Variants in LAMB4 observed in about 807,000 individuals in gnomAD.
LAMB4 encodes laminin subunit beta 4.
Under a neutral mutation model 199.2 loss-of-function variants are expected in LAMB4, and 196 were observed. That is an observed-to-expected ratio of 0.98 (90% CI 0.88 to 1.11). The LOEUF (loss-of-function observed/expected upper bound fraction) is 1.11. Among genes scored for constraint, LAMB4 ranks in the 50% least tolerant of loss-of-function variants. The pLI is 0.00. For missense variants in LAMB4, 2,080 were observed against 2,171.2 expected (o/e 0.96, Z 0.83); for synonymous variants, 744 against 770.6 (o/e 0.97, Z 0.57).
intron 33 of LAMB4, 81 bp from the exon 34 acceptor site, chr7:108,024,259 G>T: frequency 1.5e-6 from 1 of 681,906 alleles, no homozygotes; most frequent in Non-Finnish European, 2.2e-6. Flanking sequence ...CAAACACAGG[G>T]ATTTATGCGC....
chr7:108,066,005 T>C (rs2036325598), intron 20 of LAMB4, 86 bp from the exon 21 acceptor site: 2 of 1,293,720 alleles, frequency 1.5e-6, no homozygotes, highest in African/African-American at 3.0e-5. Flanking sequence ...TTTAAAACAG[T>C]GCACCTCTGA....
intron 1 of LAMB4, among the ~76,000 whole-genome samples, chr7:108,126,008 C>G (rs1034459646): frequency 6.6e-6 from 1 of 152,142 alleles, no homozygotes; most frequent in Admixed American, 6.5e-5. Context: ...GAGTCAGAAA[C>G]AGATCCCAAA....
intron 25 of LAMB4, among the ~76,000 whole-genome samples, chr7:108,054,864 A>T (rs2035930329): frequency 1.3e-5 from 2 of 152,192 alleles, no homozygotes; most frequent in Admixed American, 6.5e-5. Flanking sequence ...GTTAAATTTT[A>T]AAAAAAGATT....
At chr7:108,045,388 T>C (rs2035583690) in intron 28 of LAMB4, among the ~76,000 whole-genome samples, 1 of 152,206 alleles carries the variant, frequency 6.6e-6, no homozygotes, top group Non-Finnish European at 1.5e-5. Context: ...CTGAGAATTC[T>C]CTCACAATCT....
At chr7:108,050,227 A>G (rs1408465771) in intron 26 of LAMB4, among the ~76,000 whole-genome samples, 2 of 152,202 alleles carry the variant, frequency 1.3e-5, no homozygotes, top group African/African-American at 4.8e-5. Context: ...GGCTGCTAAC[A>G]ATAGCTAACA....
intron 13 of LAMB4, 21 bp from the exon 14 acceptor site, chr7:108,091,797 C>A: frequency 1.9e-6 from 3 of 1,610,630 alleles, no homozygotes; most frequent in Non-Finnish European, 2.5e-6. Context: ...AGCAATTCAT[C>A]ATGAAAAAAT....
chr7:108,101,590 G>A (rs568666614), intron 10 of LAMB4, among the ~76,000 whole-genome samples: 2 of 152,200 alleles, frequency 1.3e-5, no homozygotes, highest in East Asian at 1.9e-4. Flanking sequence ...CTTGTTCGTC[G>A]GCAAGTAAAG....
chr7:108,026,743 A>G, intron 33 of LAMB4: 1 of 314,014 alleles, frequency 3.2e-6, no homozygotes, highest in South Asian at 2.7e-5. Flanking sequence ...TCCATTCCCC[A>G]CTCTCTCAAC....
chr7:108,090,163 AC>A (rs1316356991), intron 14 of LAMB4, among the ~76,000 whole-genome samples: 9 of 152,242 alleles, frequency 5.9e-5, no homozygotes, highest in Admixed American at 5.9e-4. Context: ...CACATTAAAT[AC>A]ATGGAATATT....
At chr7:108,105,267 A>C (rs1433185201) in intron 8 of LAMB4, among the ~76,000 whole-genome samples, 1 of 152,226 alleles carries the variant, frequency 6.6e-6, no homozygotes, top group Non-Finnish European at 1.5e-5. Context: ...GAGATCTGCC[A>C]TATTAAGACA....
At chr7:108,062,711 T>C (rs2036205163) in intron 23 of LAMB4, 63 bp downstream of exon 23, 4 of 976,474 alleles carry the variant, frequency 4.1e-6, no homozygotes, top group Non-Finnish European at 4.2e-6. Context: ...TTTACACATT[T>C]AGAAACCATG....
chr7:108,110,282 G>A (rs1474260009), intron 4 of LAMB4, among the ~76,000 whole-genome samples: 1 of 152,164 alleles, frequency 6.6e-6, no homozygotes, highest in Admixed American at 6.5e-5. Flanking sequence ...GCCTATCTTG[G>A]CCTCCCAAAG....
At chr7:108,111,727 G>T in intron 4 of LAMB4, 84 bp downstream of exon 4, 1 of 1,213,032 alleles carries the variant, frequency 8.2e-7, no homozygotes, top group Non-Finnish European at 1.2e-6. Context: ...ACTTTGCTGT[G>T]ACATTATTAA....
intron 23 of LAMB4, among the ~76,000 whole-genome samples, chr7:108,061,654 G>A (rs1279086780): frequency 2.0e-5 from 3 of 150,330 alleles, no homozygotes; most frequent in Non-Finnish European, 4.4e-5. Context: ...CAGGAGAATC[G>A]CTTGAACCCA....
intron 33 of LAMB4, among the ~76,000 whole-genome samples, chr7:108,027,829 T>C (rs531148123): frequency 5.4e-4 from 82 of 152,248 alleles, no homozygotes; most frequent in Non-Finnish European, 1.0e-3. Flanking sequence ...GTTGCCCAGG[T>C]TGGAGTGCAG....
Position 108,065,751 on chromosome 7 carries a change from A to C in LAMB4, c.2836+11T>G. 6.2e-7 allele frequency: 1 copy of C among 1,611,908 alleles called. No individual in the cohort carries two copies. The highest frequency in any genetic ancestry group is 8.5e-7 in the Non-Finnish European group (1 of 1,178,578). ...AAGAGAAAAAATTGCATCAAGCACT[A>C]TACTGCATACCCGTATAACCTTGAA... On this transcript the variant is annotated intron_variant, in intron 21 of 33. Transcript: ENST00000388781.
At chr7:108,087,990 T>C (rs1255094922) in intron 14 of LAMB4, among the ~76,000 whole-genome samples, 3 of 152,222 alleles carry the variant, frequency 2.0e-5, no homozygotes, top group Non-Finnish European at 4.4e-5. Flanking sequence ...TACCATATCA[T>C]TCATTTACGG....
chr7:108,100,460 T>C (rs2037776368), intron 10 of LAMB4, among the ~76,000 whole-genome samples: 1 of 152,204 alleles, frequency 6.6e-6, no homozygotes, highest in South Asian at 2.1e-4. Flanking sequence ...TTAGGTAAAC[T>C]GGGAGAAACT....
chr7:108,103,257 G>C, intron 9 of LAMB4, 25 bp from the exon 10 acceptor site: 1 of 1,523,134 alleles, frequency 6.6e-7, no homozygotes, highest in Non-Finnish European at 8.9e-7. Flanking sequence ...CAGTGACTGA[G>C]AGGTAGACTA....
Sources: gnomAD v4.1 joint callset for allele counts (sites outside exome capture counted in the v4.1 genomes callset) on GRCh38, gnomAD v4.1.1 for gene constraint, MANE v1.5 for transcripts, NCBI Gene and HGNC (gene_info 2026-07-23, HGNC 2026-07-21) for gene names.